The following SLIT3 variants were observed in gnomAD, a reference collection of about 807,000 sequenced individuals.
SLIT3 encodes the protein slit homolog 3 protein.
Under a neutral mutation model 184.0 loss-of-function variants are expected in SLIT3, and 68 were observed. The observed-to-expected ratio is 0.37, with a 90% CI of 0.30 to 0.45. The LOEUF (loss-of-function observed/expected upper bound fraction) is 0.45, where lower values mean the gene tolerates loss of function less well. Among genes scored for constraint, SLIT3 ranks in the 20% least tolerant of loss-of-function variants. The pLI, the probability that SLIT3 is intolerant of heterozygous loss-of-function variation, is 1.00. For missense variants in SLIT3, 1,707 were observed against 2,026.0 expected, an observed-to-expected ratio of 0.84 and a Z score of 3.02; for synonymous variants, 831 against 828.6, an observed-to-expected ratio of 1.00 and a Z score of -0.05.
intron 23 of SLIT3, among the ~76,000 whole-genome samples, chr5:168,715,185 A>T (rs1353889925): frequency 2.0e-5 from 3 of 152,136 alleles, no homozygotes; most frequent in Non-Finnish European, 2.9e-5. Context: ...GAGCTGAGAC[A>T]ATTGACTTTT....
chr5:168,734,079 A>G (rs1377490586), intron 20 of SLIT3, among the ~76,000 whole-genome samples: 2 of 152,206 alleles, frequency 1.3e-5, no homozygotes, highest in Non-Finnish European at 1.5e-5. Context: ...ATTGGGCACA[A>G]TGTTCAGTAT....
intron 4 of SLIT3, among the ~76,000 whole-genome samples, chr5:169,140,908 T>A (rs908594660): frequency 6.6e-6 from 1 of 152,228 alleles, no homozygotes; most frequent in South Asian, 2.1e-4. Flanking sequence ...ACTCTTTAAA[T>A]CTGGCCATCA....
intron 4 of SLIT3, among the ~76,000 whole-genome samples, chr5:168,943,843 A>G (rs1396415110): frequency 6.6e-6 from 1 of 152,218 alleles, no homozygotes; most frequent in Non-Finnish European, 1.5e-5. Flanking sequence ...TTTGACAGTA[A>G]CTACAATGGC....
intron 4 of SLIT3, among the ~76,000 whole-genome samples, chr5:169,090,766 C>T (rs1024356538): frequency 5.3e-5 from 8 of 152,186 alleles, no homozygotes; most frequent in African/African-American, 1.9e-4. Context: ...CACCACAAGC[C>T]AAGGAATGCT....
Position 169,113,828 on chromosome 5 carries a change from G to T in SLIT3, c.413+79651C>A, listed in dbSNP as rs372862872. On this transcript the variant is annotated intron_variant, in intron 4 of 35. Coordinates refer to ENST00000519560, the MANE Select transcript of SLIT3 (RefSeq NM_003062.4). ...GTGCCATCATGCCCAGCTAATTTTT[G>T]TATTTTTAGTAGAGGCGGGGTTTCA... Among the ~76,000 whole-genome samples, 8 of 151,894 alleles carry T rather than the reference G, an allele frequency of 5.3e-5. No individual in the cohort carries two copies. The East Asian group carries it at 1.6e-3, about 29-fold the overall frequency.
chr5:169,055,910 G>A (rs908769454), intron 4 of SLIT3, among the ~76,000 whole-genome samples: 2 of 152,122 alleles, frequency 1.3e-5, no homozygotes, highest in African/African-American at 4.8e-5. Context: ...GGCTGTGTTG[G>A]CCATCATACG....
At chr5:168,722,435 G>T in intron 22 of SLIT3, 108 bp from the exon 23 acceptor site, 3 of 942,158 alleles carry the variant, frequency 3.2e-6, no homozygotes, top group Admixed American at 2.0e-5. Flanking sequence ...TTTCAATGTT[G>T]ATATATTGAC....
At chr5:169,267,199 A>G (rs1766428365) in intron 1 of SLIT3, among the ~76,000 whole-genome samples, 1 of 152,244 alleles carries the variant, frequency 6.6e-6, no homozygotes, top group African/African-American at 2.4e-5. Context: ...CTATGGTCAC[A>G]AGCTGAGAAG....
intron 4 of SLIT3, among the ~76,000 whole-genome samples, chr5:169,000,514 C>T (rs190300879): frequency 2.0e-5 from 3 of 147,178 alleles, no homozygotes; most frequent in East Asian, 4.0e-4. Flanking sequence ...AAGAGAAGAA[C>T]AATAAAAAAC....
chr5:168,876,216 T>G (rs1364032390), intron 5 of SLIT3, among the ~76,000 whole-genome samples: 2 of 152,158 alleles, frequency 1.3e-5, no homozygotes, highest in African/African-American at 4.8e-5. Flanking sequence ...TCCACTTTAC[T>G]TGCTCGATTT....
intron 4 of SLIT3, among the ~76,000 whole-genome samples, chr5:169,185,828 C>T (rs1763315028): frequency 6.6e-6 from 1 of 152,126 alleles, no homozygotes; most frequent in Admixed American, 6.5e-5. Context: ...TTAGTAACTT[C>T]TCCAAAGTAC....
chr5:169,048,000 A>G (rs1272869319), intron 4 of SLIT3, among the ~76,000 whole-genome samples: 1 of 152,120 alleles, frequency 6.6e-6, no homozygotes, highest in African/African-American at 2.4e-5. Flanking sequence ...AGGAGGGGGA[A>G]AAAAAGAGAA....
intron 4 of SLIT3, chr5:169,012,936 T>C (rs932527162): frequency 3.3e-5 from 5 of 152,252 alleles, no homozygotes; most frequent in South Asian, 2.1e-4. Context: ...CAAATGAGAA[T>C]AGCGCTACTA....
At chr5:169,214,451 C>A (rs1764369149) in intron 3 of SLIT3, among the ~76,000 whole-genome samples, 1 of 152,174 alleles carries the variant, frequency 6.6e-6, no homozygotes, top group Non-Finnish European at 1.5e-5. Flanking sequence ...GTGGCAACAA[C>A]CAAGGCTTGT....
In SLIT3 at chr5:168,724,401, T is replaced by C. The variant is rs773477580; in HGVS notation, c.2339+15A>G. On this transcript the variant is annotated intron_variant, in intron 21 of 35. Transcript: ENST00000519560. ...AGGGAAAAATAAACATCCCACCCAA[T>C]ACTGGGCTCCTTACATAAGCGTCAG... The C allele has an allele frequency of 8.7e-6, 14 of 1,608,698 alleles. No individual in the cohort carries two copies. The East Asian group carries it at 2.9e-4, about 33-fold the overall frequency.
chr5:169,225,913 C>G (rs1053991762), intron 3 of SLIT3, among the ~76,000 whole-genome samples: 3 of 152,108 alleles, frequency 2.0e-5, no homozygotes, highest in Non-Finnish European at 2.9e-5. Flanking sequence ...TCTGGCTGCT[C>G]TAGTGTGGAG....
At chr5:168,877,060 G>A (rs1475780992) in intron 5 of SLIT3, among the ~76,000 whole-genome samples, 1 of 152,136 alleles carries the variant, frequency 6.6e-6, no homozygotes, top group Non-Finnish European at 1.5e-5. Flanking sequence ...GAACCATTTG[G>A]GTACTGGGGA....
At chr5:169,249,554 G>A (rs1354324127) in intron 2 of SLIT3, among the ~76,000 whole-genome samples, 2 of 151,962 alleles carry the variant, frequency 1.3e-5, no homozygotes, top group East Asian at 1.9e-4. Context: ...TGAAGCATTA[G>A]GTGAAATATA....
chr5:168,946,724 A>C (rs1762494035), intron 4 of SLIT3, among the ~76,000 whole-genome samples: 1 of 152,258 alleles, frequency 6.6e-6, no homozygotes, highest in South Asian at 2.1e-4. Flanking sequence ...GACACCGGAC[A>C]CACGCTCACC....
Sources: gnomAD v4.1 joint callset for allele counts (sites outside exome capture counted in the v4.1 genomes callset) on GRCh38, gnomAD v4.1.1 for gene constraint, MANE v1.5 for transcripts, NCBI Gene and HGNC (gene_info 2026-07-23, HGNC 2026-07-21) for gene names.